Variants in SGMS1 observed in about 807,000 individuals in gnomAD.
The protein encoded by SGMS1 is sphingomyelin synthase 1.
In SGMS1, 13 loss-of-function variants were observed where a neutral mutation model predicts 46.2. The observed-to-expected ratio is 0.28, with a 90% CI of 0.18 to 0.45. The LOEUF (loss-of-function observed/expected upper bound fraction) is 0.45. Among genes scored for constraint, SGMS1 ranks in the 20% least tolerant of loss-of-function variants. SGMS1 has a pLI of 1.00. For missense variants in SGMS1, 324 were observed against 519.9 expected (o/e 0.62, Z 3.66); for synonymous variants, 203 against 187.8 (o/e 1.08, Z -0.66).
At chr10:50,457,794 C>T (rs1308724551) in intron 5 of SGMS1, among the ~76,000 whole-genome samples, 1 of 152,072 alleles carries the variant, frequency 6.6e-6, no homozygotes, top group African/African-American at 2.4e-5. Context: ...TATGTAGAAT[C>T]AGGAAAAGAC....
At position 50,400,396 on chromosome 10, in the gene SGMS1, CATATATATATATATATAT is replaced by C. The variant is rs10524155; in HGVS notation, c.-232+33062_-232+33079del. 9.9e-3 allele frequency among the ~76,000 whole-genome samples: 974 copies of C among 98,630 alleles called. 21 individuals are homozygous for C. The highest frequency in any genetic ancestry group is 0.023 in the African/African-American group (588 of 25,360). 64.7% of individuals were successfully genotyped at this position (98,630 alleles called of 152,430 possible). On this transcript the variant is annotated intron_variant, in intron 6 of 10. Transcript: ENST00000361781. ...ACAAGACCTATAGAACACATCCTGG[CATATATATATATATATAT>C]ATATATATATATATATATATATATA...
At chr10:50,378,800 A>G (rs1304129948) in intron 6 of SGMS1, among the ~76,000 whole-genome samples, 1 of 152,204 alleles carries the variant, frequency 6.6e-6, no homozygotes, top group Non-Finnish European at 1.5e-5. Context: ...CCTGATGTTT[A>G]CTATCCATTT....
intron 6 of SGMS1, among the ~76,000 whole-genome samples, chr10:50,409,069 G>A (rs1849062112): frequency 6.6e-6 from 1 of 152,128 alleles, no homozygotes; most frequent in African/African-American, 2.4e-5. Flanking sequence ...ACTTTGGAAA[G>A]AGGTAATGTT....
At chr10:50,551,208 G>C (rs1033295129) in intron 2 of SGMS1, among the ~76,000 whole-genome samples, 6 of 151,726 alleles carry the variant, frequency 4.0e-5, no homozygotes, top group Non-Finnish European at 8.8e-5. Context: ...AGTCATGTTG[G>C]TACTATGTAC....
In SGMS1 at chr10:50,367,869, T is replaced by G. The variant is rs146615912; in HGVS notation, c.-231-23524A>C. Among the ~76,000 whole-genome samples, 4 of 152,274 alleles carry G rather than the reference T, an allele frequency of 2.6e-5. No individual in the cohort carries two copies. In the East Asian group the frequency reaches 7.7e-4, roughly 29 times the overall value. On this transcript the variant is annotated intron_variant, in intron 6 of 10. Transcript: ENST00000361781. ...TAGAGGATAATCCTTATCCATGAAG[T>G]AGGTCACCACTGGATCACAGGATCA...
At chr10:50,464,846 GA>G (rs1020631511) in intron 4 of SGMS1, among the ~76,000 whole-genome samples, 2 of 152,188 alleles carry the variant, frequency 1.3e-5, no homozygotes, top group African/African-American at 4.8e-5. Context: ...GGGAGAGAGG[GA>G]GGGAGTTAGA....
intron 4 of SGMS1, among the ~76,000 whole-genome samples, chr10:50,463,632 T>C (rs1837294344): frequency 6.6e-6 from 1 of 152,156 alleles, no homozygotes. Context: ...CCTGAAAACA[T>C]TAAGAATAGA....
intron 6 of SGMS1, among the ~76,000 whole-genome samples, chr10:50,382,332 C>T (rs1338393155): frequency 2.0e-5 from 3 of 152,018 alleles, no homozygotes; most frequent in Non-Finnish European, 4.4e-5. Flanking sequence ...ATAGAAAATG[C>T]ATGATCATGA....
At chr10:50,535,755 A>T (rs1203727785) in intron 2 of SGMS1, among the ~76,000 whole-genome samples, 1 of 152,132 alleles carries the variant, frequency 6.6e-6, no homozygotes, top group Non-Finnish European at 1.5e-5. Context: ...ACTCTTCTGA[A>T]CATCAGCTCT....
intron 5 of SGMS1, among the ~76,000 whole-genome samples, chr10:50,443,854 A>G (rs868177032): frequency 6.6e-6 from 1 of 152,160 alleles, no homozygotes; most frequent in Non-Finnish European, 1.5e-5. Flanking sequence ...TACAAAGACA[A>G]TAGCACAACA....
intron 1 of SGMS1, among the ~76,000 whole-genome samples, chr10:50,590,930 T>TA (rs764165553): frequency 2.0e-5 from 3 of 152,160 alleles, no homozygotes; most frequent in Non-Finnish European, 1.5e-5. Context: ...ACTTGAGATT[T>TA]ACTCTGACCT....
chr10:50,586,654 A>G (rs1838487323), intron 2 of SGMS1, among the ~76,000 whole-genome samples: 1 of 152,268 alleles, frequency 6.6e-6, no homozygotes, highest in East Asian at 1.9e-4. Flanking sequence ...GAACGACGTG[A>G]GAAGGGACAT....
In SGMS1 at chr10:50,429,671, A is replaced by T. The variant is rs539304480; in HGVS notation, c.-232+3805T>A. ...CTTTCCTTCACTTTTAAAAACCTCT[A>T]CTCTTATAGTTTTTTCTACACATAC... On this transcript the variant is annotated intron_variant, in intron 6 of 10. Transcript: ENST00000361781. Among the ~76,000 whole-genome samples, 231 of 149,826 alleles carry T rather than the reference A, an allele frequency of 1.5e-3. 2 individuals carry two copies. Among genetic ancestry groups the T allele is most frequent in the Non-Finnish European group, 2.5e-3 (170 of 67,486 alleles).
intron 2 of SGMS1, among the ~76,000 whole-genome samples, chr10:50,529,078 A>G (rs926372428): frequency 1.2e-4 from 18 of 152,348 alleles, no homozygotes; most frequent in African/African-American, 4.1e-4. Flanking sequence ...CATCAATGGC[A>G]TTAGACAGGG....
chr10:50,483,991 A>G (rs1449015127), intron 3 of SGMS1, among the ~76,000 whole-genome samples: 2 of 152,210 alleles, frequency 1.3e-5, no homozygotes, highest in African/African-American at 4.8e-5. Flanking sequence ...GAACTAGAGA[A>G]GAAAGAGCAA....
intron 3 of SGMS1, among the ~76,000 whole-genome samples, chr10:50,470,461 T>C (rs1271876714): frequency 6.6e-6 from 1 of 151,596 alleles, no homozygotes; most frequent in African/African-American, 2.4e-5. Flanking sequence ...GAACCTTTAC[T>C]CTCTCTCACA....
rs1035408510 is a variant in SGMS1 at position 50,538,287 on chromosome 10, C to G, written c.-588-18366G>C. Among the ~76,000 whole-genome samples the G allele has an allele frequency of 4.6e-5, 7 of 151,810 alleles. No individual in the cohort carries two copies. In the East Asian group the frequency reaches 1.4e-3, roughly 30 times the overall value. On this transcript the variant is annotated intron_variant, in intron 2 of 10. Coordinates refer to ENST00000361781, the MANE Select transcript of SGMS1 (RefSeq NM_147156.4). ...CATGGCTAACATGGTGAAACCCCGTCTCTACTAAAAATACAAAAAAATTAG... is the reference window on the plus strand; with the variant it reads ...CATGGCTAACATGGTGAAACCCCGTGTCTACTAAAAATACAAAAAAATTAG...
chr10:50,477,596 A>T (rs1040710642), intron 3 of SGMS1, among the ~76,000 whole-genome samples: 1 of 152,100 alleles, frequency 6.6e-6, no homozygotes, highest in Non-Finnish European at 1.5e-5. Context: ...TGCTTTGGCT[A>T]TGTGTCCCCA....
At chr10:50,513,159 A>G (rs1029015788) in intron 3 of SGMS1, among the ~76,000 whole-genome samples, 2 of 152,170 alleles carry the variant, frequency 1.3e-5, no homozygotes, top group African/African-American at 4.8e-5. Flanking sequence ...AGTTACACCA[A>G]TTGCTTATAC....
Sources: allele counts gnomAD v4.1 joint callset (sites outside exome capture counted in the v4.1 genomes callset), GRCh38; gene constraint gnomAD v4.1.1; transcripts MANE v1.5; gene names NCBI Gene and HGNC (gene_info 2026-07-23, HGNC 2026-07-21).